Variants in PEMT observed in about 807,000 individuals in gnomAD.
PEMT encodes the protein phospholipid methyltransferase.
Under a neutral mutation model 27.4 loss-of-function variants are expected in PEMT, and 23 were observed. The observed-to-expected ratio is 0.84, with a 90% CI of 0.60 to 1.19. The LOEUF (loss-of-function observed/expected upper bound fraction) is 1.19, where lower values mean the gene tolerates loss of function less well. PEMT is among the 50% of genes most tolerant of loss of function. The pLI is 0.00. For synonymous variants in PEMT, 137 were observed against 139.1 expected (o/e 0.98, Z 0.11); for missense variants, 307 against 310.1 (o/e 0.99, Z 0.07).
intron 2 of PEMT, among the ~76,000 whole-genome samples, chr17:17,539,246 G>A (rs1419801641): frequency 6.6e-6 from 1 of 152,134 alleles, no homozygotes; most frequent in Non-Finnish European, 1.5e-5. Flanking sequence ...CTCCCAAAAT[G>A]CTGGGGTTAC....
intron 2 of PEMT, among the ~76,000 whole-genome samples, chr17:17,545,720 T>C (rs1348743886): frequency 6.6e-6 from 1 of 152,220 alleles, no homozygotes; most frequent in Non-Finnish European, 1.5e-5. Flanking sequence ...GATAATGAAG[T>C]TGTGCTGAGG....
intron 2 of PEMT, among the ~76,000 whole-genome samples, chr17:17,573,466 C>CAAA (rs71152883): frequency 1.2e-5 from 1 of 80,290 alleles, no homozygotes. Flanking sequence ...GATGCTGTCT[C>CAAA]AAAAAAAAAA....
chr17:17,508,926 G>C (rs1906124944), intron 5 of PEMT: 2 of 327,654 alleles, frequency 6.1e-6, no homozygotes, highest in Non-Finnish European at 1.2e-5. Flanking sequence ...GGGGAAGATG[G>C]GTCGGGTGGT....
rs1224104866 is a variant in PEMT, at chr17:17,586,284, GAAAGAAA to G, written c.96+5240_96+5246del. 8.2e-5 allele frequency among the ~76,000 whole-genome samples: 6 copies of G among 72,764 alleles called. No individual in the cohort carries two copies. The East Asian group carries it at 1.5e-3, about 18-fold the overall frequency. The allele number at this position is 72,764 out of a possible 152,430, so 47.7% of individuals were successfully genotyped here. ...AGAAAGAAAGAAAGAAAGAAAGAAA[GAAAGAAA>G]AAAAAAAACGCAGGTGGAAAATCGG... On this transcript the variant is annotated intron_variant, in intron 1 of 6. Transcript: ENST00000255389.
At chr17:17,570,866 G>A (rs1044249346) in intron 2 of PEMT, 1 of 985,424 alleles carries the variant, frequency 1.0e-6, no homozygotes, top group Non-Finnish European at 1.2e-6. Flanking sequence ...CAGATCCGGG[G>A]GCAGGTGAGA....
intron 3 of PEMT, among the ~76,000 whole-genome samples, chr17:17,521,623 G>A (rs1382776919): frequency 6.6e-6 from 1 of 151,682 alleles, no homozygotes; most frequent in Admixed American, 6.6e-5. Context: ...GGAGTGCACT[G>A]GTGCAACCTC....
chr17:17,566,825 C>G (rs1459337743), intron 2 of PEMT, among the ~76,000 whole-genome samples: 1 of 152,204 alleles, frequency 6.6e-6, no homozygotes, highest in African/African-American at 2.4e-5. Flanking sequence ...AGCCTGAAGG[C>G]CACCAGCCGG....
intron 2 of PEMT, among the ~76,000 whole-genome samples, chr17:17,563,401 C>A (rs1034535374): frequency 1.6e-4 from 25 of 152,154 alleles, no homozygotes; most frequent in Admixed American, 1.4e-3. Flanking sequence ...GGCCCCCTCT[C>A]AGCCCCACCT....
rs1460563296 is a variant in PEMT at position 17,582,942 on chromosome 17, G to A, written c.97-5915C>T. 6.6e-6 allele frequency among the ~76,000 whole-genome samples: 1 copy of A among 151,980 alleles called. No individual in the cohort carries two copies. Among genetic ancestry groups the A allele is most frequent in the Non-Finnish European group, 1.5e-5 (1 of 68,020 alleles). ...CTGGACATGGTGGTGCACGACTGTA[G>A]TCCCAGCTACTGGGGAGGCTGAGGC... On this transcript the variant is annotated intron_variant, in intron 1 of 6. Coordinates refer to ENST00000255389, the MANE Select transcript of PEMT (RefSeq NM_148172.3). This position sits in a 1 kb window ranked among gnomAD's most constrained non-coding sequence, Gnocchi z 4.9.
chr17:17,506,441 C>T, intron 5 of PEMT, 140 bp from the exon 6 acceptor site: 2 of 591,924 alleles, frequency 3.4e-6, no homozygotes, highest in South Asian at 2.0e-5. Context: ...CGAGCCCAGG[C>T]AGCACTGCCC....
chr17:17,551,548 G>A (rs1909654784), intron 2 of PEMT, among the ~76,000 whole-genome samples: 1 of 152,170 alleles, frequency 6.6e-6, no homozygotes, highest in Non-Finnish European at 1.5e-5. Context: ...GCCTGTCTGG[G>A]GCTGAGATGC....
intron 2 of PEMT, among the ~76,000 whole-genome samples, chr17:17,563,599 C>T (rs1394696670): frequency 1.3e-5 from 2 of 152,222 alleles, no homozygotes; most frequent in Admixed American, 6.5e-5. Context: ...CATCGCCCAT[C>T]CACGCTGGCT....
rs747943239 is a variant in PEMT at position 17,506,224 on chromosome 17, C to T, written c.653+3G>A. 4 of 1,565,506 alleles carry T rather than the reference C, an allele frequency of 2.6e-6. No individual in the cohort carries two copies. The highest frequency in any genetic ancestry group is 3.5e-6 in the Non-Finnish European group (4 of 1,153,202). ...GCCCCCACCCGCCGCAGCCCCTACT[C>T]ACTCTTCGTATAGGAGAGCCACTAT... On this transcript the variant is annotated splice_donor_region_variant and intron_variant, in intron 6 of 6. Transcript: ENST00000255389.
intron 2 of PEMT, among the ~76,000 whole-genome samples, chr17:17,574,530 A>G (rs1026039097): frequency 2.6e-5 from 4 of 152,144 alleles, no homozygotes; most frequent in African/African-American, 7.2e-5. Flanking sequence ...TATGTTGGCC[A>G]GGCTGGTCTC....
chr17:17,544,346 T>C (rs930132447), intron 2 of PEMT, among the ~76,000 whole-genome samples: 1 of 150,730 alleles, frequency 6.6e-6, no homozygotes, highest in African/African-American at 2.4e-5. Context: ...AATGGTGTGA[T>C]CTCGGCTCAC....
chr17:17,566,324 C>T (rs1037904808), intron 2 of PEMT, among the ~76,000 whole-genome samples: 10 of 152,172 alleles, frequency 6.6e-5, no homozygotes, highest in Admixed American at 5.9e-4. Flanking sequence ...GGTGAGTGTG[C>T]CTGGTTGCAT....
At chr17:17,558,772 T>C (rs1910257053) in intron 2 of PEMT, among the ~76,000 whole-genome samples, 1 of 150,510 alleles carries the variant, frequency 6.6e-6, no homozygotes, top group Non-Finnish European at 1.5e-5. Context: ...TGAGCCCTCC[T>C]AGGCCTCAGG....
At chr17:17,569,857 G>A (rs1911068455) in intron 2 of PEMT, among the ~76,000 whole-genome samples, 1 of 152,216 alleles carries the variant, frequency 6.6e-6, no homozygotes, top group Non-Finnish European at 1.5e-5. Context: ...GGGCATGGCA[G>A]GGCAGGGCAA....
chr17:17,587,312 AAATT>A (rs1414021204), intron 1 of PEMT, among the ~76,000 whole-genome samples: 1 of 152,210 alleles, frequency 6.6e-6, no homozygotes, highest in Admixed American at 6.5e-5. Context: ...TGAATAACAC[AAATT>A]AAGTAACTTA....
Sources: gnomAD v4.1 joint callset for allele counts (sites outside exome capture counted in the v4.1 genomes callset) on GRCh38, gnomAD v4.1.1 for gene constraint, Gnocchi (gnomAD v3.1) non-coding constraint, MANE v1.5 for transcripts, NCBI Gene and HGNC (gene_info 2026-07-23, HGNC 2026-07-21) for gene names.